RNF144B: variants seen among roughly 807,000 people sequenced by gnomAD.
The protein encoded by RNF144B is ring finger protein 144B.
A neutral mutation model predicts 40.2 loss-of-function variants in RNF144B; 25 were observed. The observed-to-expected ratio is 0.62, with a 90% CI of 0.45 to 0.87. RNF144B has a LOEUF of 0.87. Ranked by LOEUF, RNF144B falls within the 40% of genes least tolerant of loss-of-function variation. RNF144B has a pLI of 0.00. For synonymous variants in RNF144B, 145 were observed against 136.3 expected (o/e 1.06, Z -0.44); for missense variants, 365 against 373.7 (o/e 0.98, Z 0.19).
intron 1 of RNF144B, among the ~76,000 whole-genome samples, chr6:18,394,121 C>T (rs534115244): frequency 4.6e-5 from 7 of 152,144 alleles, no homozygotes; most frequent in Admixed American, 6.6e-5. Context: ...GCAGTTTCTC[C>T]AAATTTTAAA....
chr6:18,407,157 C>T (rs1359313987), intron 2 of RNF144B, among the ~76,000 whole-genome samples: 2 of 152,172 alleles, frequency 1.3e-5, no homozygotes, highest in Non-Finnish European at 2.9e-5. Flanking sequence ...CAGAAACACA[C>T]ACACACATGC....
chr6:18,419,840 T>A lies in RNF144B; in HGVS notation c.166-7741T>A, dbSNP rs528969873. On this transcript the variant is annotated intron_variant, in intron 2 of 7. Transcript: ENST00000259939. The surrounding 1 kb of genome is among the most constrained non-coding windows in gnomAD (Gnocchi z 4.6). ...AGGGCTGTTCTATGCTGTTTTATTA[T>A]GACTTTTCTTTGATTTCTTTGATTA... 6.6e-6 allele frequency among the ~76,000 whole-genome samples: 1 copy of A among 152,228 alleles called. No homozygotes were observed. Among genetic ancestry groups the A allele is most frequent in the Admixed American group, 6.5e-5 (1 of 15,292 alleles).
At position 18,457,157 on chromosome 6, in the gene RNF144B, G is replaced by A. The variant is rs761222421; in HGVS notation, c.334G>A (p.Val112Ile). The A allele has an allele frequency of 2.7e-5, 44 of 1,612,172 alleles. No homozygotes were observed. The highest frequency in any genetic ancestry group is 1.8e-4 in the Middle Eastern group (1 of 5,512). Residue 112 changes from valine (V) to isoleucine (I), a missense_variant and splice_region_variant, in exon 5 of 8, where the codon GTT becomes ATT. By Grantham distance (29) the Val-to-Ile change is conservative. Transcript: ENST00000259939. This position sits in a 1 kb window ranked among gnomAD's most constrained non-coding sequence, Gnocchi z 5.1. ...LYQRLKFERE[V>I]HLDPYRTWCP... is the part of the protein sequence containing the mutation. ...CATTTTCTTTCTTTACACTTTAGAAGTTCATCTGGACCCCTACCGAACATG... is the reference window on the plus strand; with the variant it reads ...CATTTTCTTTCTTTACACTTTAGAAATTCATCTGGACCCCTACCGAACATG...
In RNF144B at chr6:18,433,659, C is replaced by A. The variant is rs560316293; in HGVS notation, c.270+5974C>A. ...GTGAAACAAAGACCAGTGAAAGCTG[C>A]CCTCTACAGTGGACTGCGAAGATCA... On this transcript the variant is annotated intron_variant, in intron 3 of 7. Transcript: ENST00000259939. Among the ~76,000 whole-genome samples, 85 of 152,280 alleles carry A rather than the reference C, an allele frequency of 5.6e-4. 1 individual carries two copies. Among genetic ancestry groups the A allele is most frequent in the Admixed American group, 5.2e-4 (8 of 15,302 alleles).
Position 18,398,516 on chromosome 6 carries a change from T to A in RNF144B, c.-36-983T>A, listed in dbSNP as rs543809810. Among the ~76,000 whole-genome samples the A allele has an allele frequency of 1.6e-4, 25 of 152,280 alleles. No individual in the cohort carries two copies. Among genetic ancestry groups the A allele is most frequent in the African/African-American group, 6.0e-4 (25 of 41,576 alleles). On this transcript the variant is annotated intron_variant, in intron 1 of 7. Transcript: ENST00000259939. This position sits in a 1 kb window ranked among gnomAD's most constrained non-coding sequence, Gnocchi z 5.0. ...CCTCCTGAGTAGCTGGGATTACAGATGTGCCACTGTGCCTGGCTAATTTTG... is the reference window on the plus strand; with the variant it reads ...CCTCCTGAGTAGCTGGGATTACAGAAGTGCCACTGTGCCTGGCTAATTTTG...
At chr6:18,388,507 C>T (rs189665338) in intron 1 of RNF144B, among the ~76,000 whole-genome samples, 2 of 152,144 alleles carry the variant, frequency 1.3e-5, no homozygotes, top group East Asian at 1.9e-4. Context: ...CCTAGCCAGT[C>T]CTAACTGAGT....
Position 18,464,667 on chromosome 6 carries a change from G to A in RNF144B, c.772-260G>A, listed in dbSNP as rs1475338482. 6.6e-6 allele frequency among the ~76,000 whole-genome samples: 1 copy of A among 152,134 alleles called. No homozygotes were observed. Among genetic ancestry groups the A allele is most frequent in the East Asian group, 1.9e-4 (1 of 5,170 alleles). ...TTGCTGTGTCTTCACATGGCATAGA[G>A]CCTAGAGAAAGAAAGCAAGCTCTCT... is the stretch of plus-strand genomic sequence containing the variant. On this transcript the variant is annotated intron_variant, in intron 7 of 7. Coordinates refer to ENST00000259939, the MANE Select transcript of RNF144B (RefSeq NM_182757.4). The surrounding 1 kb of genome is among the most constrained non-coding windows in gnomAD (Gnocchi z 6.1).
In RNF144B at chr6:18,467,079, T is replaced by G. The variant is rs1759585684; in HGVS notation, c.*2012T>G. 6.5e-6 allele frequency: 1 copy of G among 152,678 alleles called. No individual in the cohort carries two copies. The highest frequency in any genetic ancestry group is 2.4e-5 in the African/African-American group (1 of 41,462). The allele number at this position is 152,678 out of a possible 1,614,324, so 9.5% of individuals were successfully genotyped here. A position where few individuals can be genotyped will look rare whatever the true frequency, so the allele number is the denominator to read the frequency against. On this transcript the variant is annotated 3_prime_UTR_variant, in exon 8 of 8. Transcript: ENST00000259939. Reference sequence around the variant, plus strand: ...ATTTGAATAGTTAATTTGCTTTGTTTTACACGTAGCCCACTGCCTCATTAT... The same window carrying G: ...ATTTGAATAGTTAATTTGCTTTGTTGTACACGTAGCCCACTGCCTCATTAT...
rs1758532490 is a variant in RNF144B, at chr6:18,425,617, A to G, written c.166-1964A>G. On this transcript the variant is annotated intron_variant, in intron 2 of 7. Coordinates refer to ENST00000259939, the MANE Select transcript of RNF144B (RefSeq NM_182757.4). The surrounding 1 kb of genome is among the most constrained non-coding windows in gnomAD (Gnocchi z 4.2). The stretch of plus-strand genomic sequence containing the variant: ...CAAGTGATTTTTCACCCTTCTGTTG[A>G]ACAAGGAAGTCAGGGTTAAAACACA... 6.6e-6 allele frequency among the ~76,000 whole-genome samples: 1 copy of G among 152,158 alleles called. No homozygotes were observed. The highest frequency in any genetic ancestry group is 6.6e-5 in the Admixed American group (1 of 15,264).
At chr6:18,440,356 G>A (rs1758931790) in intron 4 of RNF144B, among the ~76,000 whole-genome samples, 1 of 151,820 alleles carries the variant, frequency 6.6e-6, no homozygotes, top group Non-Finnish European at 1.5e-5. Context: ...TTTCCCTCTT[G>A]TCATACCCTA....
intron 2 of RNF144B, among the ~76,000 whole-genome samples, chr6:18,426,826 C>A (rs1758566378): frequency 6.7e-6 from 1 of 148,946 alleles, no homozygotes; most frequent in Non-Finnish European, 1.5e-5. Context: ...TATTCAATTT[C>A]TTCTCTGGGT....
rs770358827 is a variant in RNF144B, at chr6:18,406,065, A to G, written c.165+6366A>G. The G allele has an allele frequency of 7.7e-6, 4 of 518,908 alleles. No homozygotes were observed. Among genetic ancestry groups the G allele is most frequent in the South Asian group, 2.8e-5 (2 of 71,562 alleles). 32.1% of individuals were successfully genotyped at this position (518,908 alleles called of 1,614,324 possible). A position where few individuals can be genotyped will look rare whatever the true frequency, so the allele number is the denominator to read the frequency against. On this transcript the variant is annotated intron_variant, in intron 2 of 7. Coordinates refer to ENST00000259939, the MANE Select transcript of RNF144B (RefSeq NM_182757.4). The surrounding 1 kb of genome is among the most constrained non-coding windows in gnomAD (Gnocchi z 4.2). ...TAGCTTAGGCTTTATTTATTCAACA[A>G]ATATTTGCTGTGTCTTGCATAGTTC...
chr6:18,463,434 G>A (rs1451702528), intron 7 of RNF144B, 54 bp downstream of exon 7: 19 of 1,016,206 alleles, frequency 1.9e-5, no homozygotes, highest in Non-Finnish European at 2.4e-5. Context: ...ATGGCTTAAA[G>A]AGCCCACCTC....
intron 3 of RNF144B, 56 bp from the exon 4 acceptor site, chr6:18,439,628 G>T (rs892056282): frequency 2.5e-6 from 3 of 1,186,252 alleles, no homozygotes; most frequent in Non-Finnish European, 3.8e-6. Flanking sequence ...CAAAAGGCTG[G>T]TAACTCAGGG....
At chr6:18,463,115 A>C (rs1447448934) in intron 6 of RNF144B, among the ~76,000 whole-genome samples, 176 bp from the exon 7 acceptor site, 2 of 152,040 alleles carry the variant, frequency 1.3e-5, no homozygotes, top group African/African-American at 4.8e-5. Flanking sequence ...ATCTGCTTTC[A>C]CTTTGGTGAT....
intron 6 of RNF144B, among the ~76,000 whole-genome samples, chr6:18,461,011 A>G (rs1759440839): frequency 1.3e-5 from 2 of 152,168 alleles, no homozygotes; most frequent in Admixed American, 6.5e-5. Flanking sequence ...CTTTAATTCA[A>G]CAAGCGATTT....
chr6:18,439,663 CT>C lies in RNF144B; in HGVS notation c.271-17del. On this transcript the variant is annotated intron_variant, in intron 3 of 7. Coordinates refer to ENST00000259939, the MANE Select transcript of RNF144B (RefSeq NM_182757.4). The stretch of plus-strand genomic sequence containing the variant: ...GCACTATGATGACTGAAGTCTCAAC[CT>C]TTTATGTCTCTGGTTTCAGATTGCC... 6.3e-7 allele frequency: 1 copy of C among 1,596,750 alleles called. No individual in the cohort carries two copies. Among genetic ancestry groups the C allele is most frequent in the Non-Finnish European group, 8.6e-7 (1 of 1,164,418 alleles).
Position 18,441,418 on chromosome 6 carries a change from T to A in RNF144B, c.331+1674T>A, listed in dbSNP as rs375266517. 3.0e-4 allele frequency among the ~76,000 whole-genome samples: 46 copies of A among 152,244 alleles called. No individual in the cohort carries two copies. Among genetic ancestry groups the A allele is most frequent in the African/African-American group, 1.1e-3 (45 of 41,556 alleles). The stretch of plus-strand genomic sequence containing the variant: ...GTCAGTCCTACTCAGTCACTGGAGC[T>A]CAGTCTATTTACAGTATTCTCATGC... On this transcript the variant is annotated intron_variant, in intron 4 of 7. Coordinates refer to ENST00000259939, the MANE Select transcript of RNF144B (RefSeq NM_182757.4). The surrounding 1 kb of genome is among the most constrained non-coding windows in gnomAD (Gnocchi z 4.9).
Position 18,446,867 on chromosome 6 carries a change from G to GTT in RNF144B, c.331+7124_331+7125insTT, listed in dbSNP as rs1554181607. On this transcript the variant is annotated intron_variant, in intron 4 of 7. Transcript: ENST00000259939. This position sits in a 1 kb window ranked among gnomAD's most constrained non-coding sequence, Gnocchi z 4.7. ...TGTGTGTGTGTGTGTGTGTGTGTGT[G>GTT]TGTGTGTCTGTGTGTGTGTTGTGTG... Among the ~76,000 whole-genome samples, 1 of 150,952 alleles carries GTT rather than the reference G, an allele frequency of 6.6e-6. No individual in the cohort carries two copies. The highest frequency in any genetic ancestry group is 2.4e-5 in the African/African-American group (1 of 41,118).
Sources: allele counts gnomAD v4.1 joint callset (sites outside exome capture counted in the v4.1 genomes callset), GRCh38; gene constraint gnomAD v4.1.1; non-coding constraint Gnocchi (gnomAD v3.1); transcripts MANE v1.5; gene names NCBI Gene and HGNC (gene_info 2026-07-23, HGNC 2026-07-21).